Variants in UGGT2 observed in about 807,000 individuals in gnomAD.
The protein encoded by UGGT2 is UDP-glucose:glycoprotein glucosyltransferase 2.
UGGT2 carries 180 observed loss-of-function variants against 192.1 expected under a neutral mutation model. The observed-to-expected ratio is 0.94, with a 90% CI of 0.83 to 1.06. The LOEUF (loss-of-function observed/expected upper bound fraction) is 1.06, where lower values mean the gene tolerates loss of function less well. Ranked by LOEUF, UGGT2 falls within the 50% of genes least tolerant of loss-of-function variation. The pLI is 0.00. For synonymous variants in UGGT2, 580 were observed against 591.0 expected, an observed-to-expected ratio of 0.98 and a Z score of 0.27; for missense variants, 1,849 against 1,795.7, an observed-to-expected ratio of 1.03 and a Z score of -0.54.
At chr13:95,808,636 T>C (rs1286340727) in intron 38 of UGGT2, among the ~76,000 whole-genome samples, 1 of 152,198 alleles carries the variant, frequency 6.6e-6, no homozygotes, top group Non-Finnish European at 1.5e-5. Context: ...GTTACTCTAG[T>C]GACTTTCCAG....
chr13:96,042,652 G>T (rs1370777936), intron 1 of UGGT2, among the ~76,000 whole-genome samples: 1 of 151,532 alleles, frequency 6.6e-6, no homozygotes, highest in African/African-American at 2.4e-5. Flanking sequence ...AATCTTCAGT[G>T]AAATAGATTG....
chr13:95,971,729 T>C (rs1036297814), intron 11 of UGGT2, among the ~76,000 whole-genome samples: 4 of 152,164 alleles, frequency 2.6e-5, no homozygotes, highest in Non-Finnish European at 5.9e-5. Flanking sequence ...TATGTATCTA[T>C]CTTATTATTT....
At chr13:96,015,277 CAAAA>C (rs35384365) in intron 4 of UGGT2, among the ~76,000 whole-genome samples, 2 of 111,228 alleles carry the variant, frequency 1.8e-5, no homozygotes. Flanking sequence ...GACTCCGTCT[CAAAA>C]AAAAAAAAAA....
intron 20 of UGGT2, among the ~76,000 whole-genome samples, chr13:95,909,799 TAAAAAAAAA>T (rs1172371428): frequency 1.3e-4 from 10 of 76,164 alleles, no homozygotes; most frequent in African/African-American, 2.1e-4. Flanking sequence ...TCCTGCCCAC[TAAAAAAAAA>T]AAAAAAAAAA....
At chr13:95,956,094 G>A (rs995579721) in intron 12 of UGGT2, among the ~76,000 whole-genome samples, 9 of 152,112 alleles carry the variant, frequency 5.9e-5, no homozygotes, top group African/African-American at 1.4e-4. Context: ...AAAATTTAAC[G>A]ACAAGCTAAA....
rs1594375036 is a variant in UGGT2, at chr13:95,934,699, A to C, written c.1977+2225T>G. Reference sequence around the variant, plus strand: ...GCTAAGTTTTAAGTTTTTTGTGGAGAGGTTTCACTGTGTTGCCCAGGCTGG... The same window carrying C: ...GCTAAGTTTTAAGTTTTTTGTGGAGCGGTTTCACTGTGTTGCCCAGGCTGG... On this transcript the variant is annotated intron_variant, in intron 17 of 38. Coordinates refer to ENST00000376747, the MANE Select transcript of UGGT2 (RefSeq NM_020121.4). Among the ~76,000 whole-genome samples, 3 of 152,052 alleles carry C rather than the reference A, an allele frequency of 2.0e-5. No individual in the cohort carries two copies. In the South Asian group the frequency reaches 6.2e-4, roughly 32 times the overall value.
At chr13:95,834,836 A>G (rs1887112472) in intron 37 of UGGT2, among the ~76,000 whole-genome samples, 1 of 152,152 alleles carries the variant, frequency 6.6e-6, no homozygotes. Context: ...GATTCAAGAT[A>G]TATGTTCTCC....
chr13:95,877,362 C>A lies in UGGT2; in HGVS notation c.3390G>T (p.Gly1130=). Residue 1130 remains glycine (G), a splice_region_variant and synonymous_variant, in exon 29 of 39, where the codon GGG becomes GGT. Transcript: ENST00000376747. ...VVDTIVMAHH[G]YFQLKANPGA... ...CTGGGTTTGCTTTTAATTGAAAATA[C>A]CCCTTTTAAGATGAGAAAAAAATAA... 6.2e-7 allele frequency: 1 copy of A among 1,602,874 alleles called. No individual in the cohort carries two copies. Among genetic ancestry groups the A allele is most frequent in the South Asian group, 1.1e-5 (1 of 87,582 alleles).
At chr13:96,023,519 C>G in intron 3 of UGGT2, 110 bp downstream of exon 3, 1 of 1,159,938 alleles carries the variant, frequency 8.6e-7, no homozygotes, top group Admixed American at 2.9e-5. Flanking sequence ...GCTATGGAAC[C>G]AACTATAAAC....
intron 12 of UGGT2, among the ~76,000 whole-genome samples, chr13:95,961,490 T>TA (rs1323500631): frequency 6.6e-6 from 1 of 152,008 alleles, no homozygotes; most frequent in African/African-American, 2.4e-5. Context: ...CAAAAACAGT[T>TA]AAAAGGACAA....
intron 36 of UGGT2, among the ~76,000 whole-genome samples, chr13:95,846,290 C>T (rs1337148125): frequency 1.3e-5 from 2 of 152,118 alleles, no homozygotes; most frequent in African/African-American, 2.4e-5. Flanking sequence ...TCAGGCGTGG[C>T]AGCGCGCGCC....
intron 38 of UGGT2, among the ~76,000 whole-genome samples, chr13:95,806,738 A>G (rs1884325926): frequency 1.3e-5 from 2 of 152,158 alleles, no homozygotes; most frequent in South Asian, 4.1e-4. Context: ...ATCCTTGCAT[A>G]TATGATCAAA....
At chr13:95,862,187 T>C (rs1169393024) in intron 31 of UGGT2, among the ~76,000 whole-genome samples, 2 of 152,102 alleles carry the variant, frequency 1.3e-5, no homozygotes, top group African/African-American at 4.8e-5. Flanking sequence ...GTAACATGAT[T>C]TTTCTTACCA....
chr13:95,811,766 T>C (rs1281278666), intron 38 of UGGT2, among the ~76,000 whole-genome samples: 1 of 152,150 alleles, frequency 6.6e-6, no homozygotes, highest in African/African-American at 2.4e-5. Context: ...GCAAGGTTCC[T>C]ACACTATATA....
rs1205917035 is a variant in UGGT2, at chr13:95,967,337, G to A, written c.1335+2775C>T. On this transcript the variant is annotated intron_variant, in intron 12 of 38. Coordinates refer to ENST00000376747, the MANE Select transcript of UGGT2 (RefSeq NM_020121.4). ...CCAGCTAATTTTTGTATTTTTAGTAGAGACAGGGTTTCACCATTTTGGCCA... is the reference window on the plus strand; with the variant it reads ...CCAGCTAATTTTTGTATTTTTAGTAAAGACAGGGTTTCACCATTTTGGCCA... Among the ~76,000 whole-genome samples, 5 of 151,464 alleles carry A rather than the reference G, an allele frequency of 3.3e-5. No individual in the cohort carries two copies. In the East Asian group the frequency reaches 9.7e-4, roughly 29 times the overall value.
intron 1 of UGGT2, among the ~76,000 whole-genome samples, chr13:96,048,383 G>A (rs987304181): frequency 2.0e-5 from 3 of 152,094 alleles, no homozygotes; most frequent in Non-Finnish European, 4.4e-5. Flanking sequence ...GAGAAAGCAG[G>A]AAAGATCTAA....
At chr13:95,940,996 C>T (rs1162987751) in intron 15 of UGGT2, among the ~76,000 whole-genome samples, 1 of 152,134 alleles carries the variant, frequency 6.6e-6, no homozygotes, top group Non-Finnish European at 1.5e-5. Flanking sequence ...TTCTTTTTAT[C>T]TTTTCTCATT....
Position 95,894,414 on chromosome 13 carries a change from A to G in UGGT2, c.2855+148T>C, listed in dbSNP as rs1594253847. On this transcript the variant is annotated intron_variant, in intron 24 of 38. Coordinates refer to ENST00000376747, the MANE Select transcript of UGGT2 (RefSeq NM_020121.4). ...TTTACTAGAATATATAACTAACTGG[A>G]ATTTATCTTCCTAATACTGTCAAAT... 21 of 557,026 alleles carry G rather than the reference A, an allele frequency of 3.8e-5. No homozygotes were observed. The East Asian group carries it at 6.5e-4, about 17-fold the overall frequency. The allele number at this position is 557,026 out of a possible 1,614,324, so 34.5% of individuals were successfully genotyped here.
chr13:95,840,058 A>G (rs577793353), intron 36 of UGGT2, among the ~76,000 whole-genome samples: 1 of 152,338 alleles, frequency 6.6e-6, no homozygotes, highest in Non-Finnish European at 1.5e-5. Flanking sequence ...CTCTGCTTAA[A>G]GACTTAAATG....
Sources: allele counts gnomAD v4.1 joint callset (sites outside exome capture counted in the v4.1 genomes callset), GRCh38; gene constraint gnomAD v4.1.1; transcripts MANE v1.5; gene names NCBI Gene and HGNC (gene_info 2026-07-23, HGNC 2026-07-21).